The following IL34 variants were observed in gnomAD, a reference collection of about 807,000 sequenced individuals.
IL34 encodes interleukin-34.
IL34 carries 17 observed loss-of-function variants against 25.3 expected under a neutral mutation model. The observed-to-expected ratio is 0.67, with a 90% CI of 0.46 to 1.01. IL34 has a LOEUF of 1.01. IL34 is among the 50% of genes least tolerant of loss of function. IL34 has a pLI of 0.00. For synonymous variants in IL34, 174 were observed against 140.9 expected (o/e 1.23, Z -1.66); for missense variants, 368 against 312.9 (o/e 1.18, Z -1.33).
At position 70,602,583 on chromosome 16, in the gene IL34, ATGTGTGTGTGTGTG is replaced by A. The variant is rs3058045; in HGVS notation, c.-401+22562_-401+22575del. ...GTGAGAATTCCTAGCTTTGGAATTG[ATGTGTGTGTGTGTG>A]TGTGTGTGTGTGTGTGTGTGTGTGT... On this transcript the variant is annotated intron_variant, in intron 1 of 6. Transcript: ENST00000429149. Among the ~76,000 whole-genome samples, 34 of 135,052 alleles carry A rather than the reference ATGTGTGTGTGTGTG, an allele frequency of 2.5e-4. No individual in the cohort carries two copies. In the South Asian group the frequency reaches 2.8e-3, roughly 11 times the overall value. 88.6% of individuals were successfully genotyped at this position (135,052 alleles called of 152,430 possible).
chr16:70,621,800 G>A (rs994400781), intron 1 of IL34, among the ~76,000 whole-genome samples: 15 of 152,048 alleles, frequency 9.9e-5, no homozygotes, highest in Middle Eastern at 3.2e-3. Flanking sequence ...TCTCTGGCGG[G>A]CAGGAGTGGG....
Position 70,660,621 on chromosome 16 carries a change from A to G in IL34, c.*434A>G, listed in dbSNP as rs1345686533. 1 of 169,604 alleles carries G rather than the reference A, an allele frequency of 5.9e-6. No homozygotes were observed. The highest frequency in any genetic ancestry group is 1.3e-5 in the Non-Finnish European group (1 of 79,860). The allele number at this position is 169,604 out of a possible 1,614,324, so 10.5% of individuals were successfully genotyped here. ...GGCAGAGGGCGGTGCCAAGTGCCAC[A>G]TCTTGCCATAGTGGATGCTCTTCCA... On this transcript the variant is annotated 3_prime_UTR_variant, in exon 6 of 6. Coordinates refer to ENST00000288098, the MANE Select transcript of IL34 (RefSeq NM_001393494.1).
chr16:70,645,912 G>C (rs576806127), upstream of IL34, among the ~76,000 whole-genome samples: 6 of 152,218 alleles, frequency 3.9e-5, no homozygotes, highest in South Asian at 1.2e-3. Flanking sequence ...AATTAGCCAG[G>C]CATGGTAGTG....
chr16:70,627,637 C>CT (rs1294434674), intron 1 of IL34, among the ~76,000 whole-genome samples: 2 of 151,920 alleles, frequency 1.3e-5, no homozygotes, highest in African/African-American at 4.8e-5. Flanking sequence ...CCTGGCTAAT[C>CT]TTTTTATTTT....
chr16:70,595,110 A>G, intron 1 of IL34, among the ~76,000 whole-genome samples: 1 of 151,628 alleles, frequency 6.6e-6, no homozygotes. Flanking sequence ...GCCCGCCACC[A>G]CACCCAACTA....
chr16:70,633,259 T>C (rs999021407), intron 1 of IL34, among the ~76,000 whole-genome samples: 1 of 151,482 alleles, frequency 6.6e-6, no homozygotes, highest in Non-Finnish European at 1.5e-5. Flanking sequence ...AGACTGATTT[T>C]TTTTTTTCTT....
chr16:70,620,147 C>G (rs533109956), intron 1 of IL34, among the ~76,000 whole-genome samples: 1 of 152,030 alleles, frequency 6.6e-6, no homozygotes, highest in Non-Finnish European at 1.5e-5. Context: ...TATTTAATGT[C>G]GGGAGCACAT....
chr16:70,644,288 T>C (rs1597772728), upstream of IL34, among the ~76,000 whole-genome samples: 1 of 152,112 alleles, frequency 6.6e-6, no homozygotes, highest in African/African-American at 2.4e-5. Flanking sequence ...TCCTTGGAGT[T>C]TATTCTGCCT....
At chr16:70,646,115 G>C (rs191837617), upstream of IL34, among the ~76,000 whole-genome samples, 30 of 151,452 alleles carry the variant, frequency 2.0e-4, no homozygotes, top group Non-Finnish European at 4.1e-4. Context: ...TTACTATGCT[G>C]ACCAGGCTGG....
chr16:70,653,159 G>C (rs1261361664), intron 1 of IL34, among the ~76,000 whole-genome samples: 2 of 152,020 alleles, frequency 1.3e-5, no homozygotes, highest in African/African-American at 4.8e-5. Context: ...GTTACGGTGA[G>C]CTGAGATTGT....
At chr16:70,633,045 G>A (rs4985548) in intron 1 of IL34, among the ~76,000 whole-genome samples, 85,982 of 152,050 alleles carry the variant, frequency 0.57, 27,629 homozygotes, top group African/African-American at 0.89. Flanking sequence ...GCTCACTGCA[G>A]CCTCGACCTC....
At chr16:70,645,171 AGGAAG>A (rs2051897200), upstream of IL34, among the ~76,000 whole-genome samples, 1 of 151,868 alleles carries the variant, frequency 6.6e-6, no homozygotes, top group Middle Eastern at 3.2e-3. Flanking sequence ...AAGGAGGAAG[AGGAAG>A]GAGGAAAAGG....
At chr16:70,603,282 T>A (rs1016461862) in intron 1 of IL34, among the ~76,000 whole-genome samples, 1 of 151,182 alleles carries the variant, frequency 6.6e-6, no homozygotes, top group Non-Finnish European at 1.5e-5. Context: ...ATTTTTTATT[T>A]GTTATTATTT....
At chr16:70,588,901 G>C (rs1273679862) in intron 1 of IL34, among the ~76,000 whole-genome samples, 3 of 152,176 alleles carry the variant, frequency 2.0e-5, no homozygotes, top group African/African-American at 4.8e-5. Context: ...CCAGGGGCTG[G>C]GGGTGGGGAA....
chr16:70,595,715 G>C (rs1321184675), intron 1 of IL34, among the ~76,000 whole-genome samples: 1 of 152,000 alleles, frequency 6.6e-6, no homozygotes, highest in Non-Finnish European at 1.5e-5. Context: ...TGTTTGGGCT[G>C]CCATAAGAAA....
chr16:70,598,372 G>A (rs1227917708), intron 1 of IL34, among the ~76,000 whole-genome samples: 1 of 152,074 alleles, frequency 6.6e-6, no homozygotes, highest in African/African-American at 2.4e-5. Flanking sequence ...ATAAAGTAAT[G>A]TTTTCCTCAG....
intron 1 of IL34, among the ~76,000 whole-genome samples, chr16:70,619,932 C>T (rs939659464): frequency 1.3e-5 from 2 of 152,160 alleles, no homozygotes; most frequent in African/African-American, 2.4e-5. Flanking sequence ...ATGTAGCAAG[C>T]TCCTGTGGGA....
chr16:70,657,065 T>G lies in IL34; in HGVS notation c.346T>G (p.Trp116Gly), dbSNP rs780334521. The G allele has an allele frequency of 8.1e-6, 13 of 1,612,968 alleles. No homozygotes were observed. In the African/African-American group the frequency reaches 1.6e-4, roughly 20 times the overall value. ...CGTGCTGCTCGAGGGCCACCCATCC[T>G]GGAAGTACCTGCAGGAGGTGGAGAC... The part of the protein sequence containing the change: ...QDVLLEGHPS[W>G]KYLQEVETLL... The change falls in exon 4 of 6, where the codon TGG becomes GGG. Residue 116 changes from tryptophan (W) to glycine (G), a missense_variant. Transcript: ENST00000288098.
rs77769000 is a variant in IL34, at chr16:70,657,013, C to T, written c.294C>T (p.Ser98=). The T allele has an allele frequency of 0.014, 22,005 of 1,612,268 alleles. 241 individuals carry two copies. Among genetic ancestry groups the T allele is most frequent in the Middle Eastern group, 0.05 (237 of 4,772 alleles). ...RELRYLWVLV[S]LSATESVQDV... ...TGCGGTATCTGTGGGTCTTGGTGAG[C>T]CTCAGTGCCACTGAGTCGGTGCAGG... Residue 98 remains serine (S), a synonymous_variant, in exon 4 of 6, where the codon AGC becomes AGT. Coordinates refer to ENST00000288098, the MANE Select transcript of IL34 (RefSeq NM_001393494.1).
Sources: gnomAD v4.1 joint callset for allele counts (sites outside exome capture counted in the v4.1 genomes callset) on GRCh38, gnomAD v4.1.1 for gene constraint, MANE v1.5 for transcripts, NCBI Gene and HGNC (gene_info 2026-07-23, HGNC 2026-07-21) for gene names.